The following EYS variants were observed in gnomAD, a reference collection of about 807,000 sequenced individuals.
EYS encodes the protein protein eyes shut homolog.
EYS carries 250 observed loss-of-function variants against 282.1 expected under a neutral mutation model. That is an observed-to-expected ratio of 0.89 (90% CI 0.80 to 0.98). The LOEUF (loss-of-function observed/expected upper bound fraction) is 0.98. Among genes scored for constraint, EYS ranks in the 50% least tolerant of loss-of-function variants. EYS has a pLI of 0.00. For synonymous variants in EYS, 1,355 were observed against 1,282.9 expected, an observed-to-expected ratio of 1.06 and a Z score of -1.20; for missense variants, 4,016 against 3,709.0, an observed-to-expected ratio of 1.08 and a Z score of -2.15.
chr6:64,493,171 G>A (rs1278545605), intron 26 of EYS, among the ~76,000 whole-genome samples: 1 of 151,360 alleles, frequency 6.6e-6, no homozygotes, highest in Admixed American at 6.6e-5. Context: ...TGATTCAGAA[G>A]CCTTTATTAT....
At chr6:65,394,764 A>G (rs373243695) in intron 7 of EYS, among the ~76,000 whole-genome samples, 3 of 152,120 alleles carry the variant, frequency 2.0e-5, no homozygotes, top group South Asian at 4.2e-4. Context: ...CTTCTTTCAT[A>G]TTCTTCTTAG....
At chr6:64,452,453 A>G (rs1391331723) in intron 26 of EYS, among the ~76,000 whole-genome samples, 1 of 152,190 alleles carries the variant, frequency 6.6e-6, no homozygotes, top group Non-Finnish European at 1.5e-5. Flanking sequence ...TTACAGATTC[A>G]ATGTCATCTC....
chr6:64,271,390 T>C (rs777881592), intron 30 of EYS, among the ~76,000 whole-genome samples: 2 of 152,194 alleles, frequency 1.3e-5, no homozygotes, highest in Non-Finnish European at 2.9e-5. Context: ...ATGTTACAAA[T>C]ATGTCCTACC....
intron 1 of EYS, among the ~76,000 whole-genome samples, chr6:65,684,578 T>C (rs1165658930): frequency 2.0e-5 from 3 of 152,026 alleles, no homozygotes; most frequent in South Asian, 2.1e-4. Flanking sequence ...TTTGGTAATA[T>C]ACATGAACCT....
At chr6:64,715,031 G>GTT (rs762649871) in intron 22 of EYS, among the ~76,000 whole-genome samples, 18 of 144,478 alleles carry the variant, frequency 1.2e-4, no homozygotes, top group East Asian at 4.0e-4. Flanking sequence ...GCAGTCCCCA[G>GTT]TTTTTTTTTT....
chr6:64,364,887 C>A (rs2150410570), intron 29 of EYS, among the ~76,000 whole-genome samples: 1 of 151,866 alleles, frequency 6.6e-6, no homozygotes, highest in East Asian at 1.9e-4. Context: ...AGCACTGGTA[C>A]CCCTAAATCT....
At chr6:63,830,486 T>A (rs373466624) in intron 36 of EYS, among the ~76,000 whole-genome samples, 1 of 152,070 alleles carries the variant, frequency 6.6e-6, no homozygotes, top group South Asian at 2.1e-4. Flanking sequence ...GAAGATCAAA[T>A]GAATGAAATG....
At chr6:65,635,227 C>T (rs925241080) in intron 2 of EYS, among the ~76,000 whole-genome samples, 2 of 152,136 alleles carry the variant, frequency 1.3e-5, no homozygotes, top group Non-Finnish European at 2.9e-5. Context: ...ACAACTATGC[C>T]TCTTGTCAAC....
chr6:63,884,506 T>C (rs999241213), intron 35 of EYS, among the ~76,000 whole-genome samples: 3 of 152,214 alleles, frequency 2.0e-5, no homozygotes, highest in African/African-American at 7.2e-5. Flanking sequence ...TACATGGTTT[T>C]GTACATATGT....
At chr6:65,595,895 T>C (rs1488423340) in intron 2 of EYS, among the ~76,000 whole-genome samples, 1 of 152,048 alleles carries the variant, frequency 6.6e-6, no homozygotes, top group East Asian at 1.9e-4. Context: ...ATATTACTTT[T>C]GAGATTAAGT....
chr6:65,139,065 C>G (rs1221975830), intron 12 of EYS, among the ~76,000 whole-genome samples: 2 of 151,994 alleles, frequency 1.3e-5, no homozygotes, highest in Non-Finnish European at 2.9e-5. Flanking sequence ...CCATTTAACC[C>G]AGAAATCCCA....
intron 37 of EYS, among the ~76,000 whole-genome samples, chr6:63,798,963 G>GTATATATATATATATA (rs1231377496): frequency 2.7e-5 from 3 of 110,908 alleles, no homozygotes; most frequent in African/African-American, 1.1e-4. Flanking sequence ...ATGTATATGT[G>GTATATATATATATATA]TATATATATA....
intron 12 of EYS, among the ~76,000 whole-genome samples, chr6:65,253,015 A>T (rs192570534): frequency 2.0e-5 from 3 of 152,108 alleles, no homozygotes; most frequent in African/African-American, 7.2e-5. Flanking sequence ...AGATGAAAGA[A>T]TGCAGTACTG....
chr6:64,150,804 C>T (rs1051540847), intron 31 of EYS, among the ~76,000 whole-genome samples: 3 of 151,986 alleles, frequency 2.0e-5, no homozygotes, highest in Admixed American at 2.0e-4. Flanking sequence ...GAGACCCTCT[C>T]GATGTCAAGA....
At chr6:65,293,576 A>G (rs1432021191) in intron 12 of EYS, among the ~76,000 whole-genome samples, 1 of 151,860 alleles carries the variant, frequency 6.6e-6, no homozygotes, top group African/African-American at 2.4e-5. Context: ...TCAGAAGTGA[A>G]TTTTACATCT....
At chr6:64,931,462 TAA>T (rs1768720207) in intron 15 of EYS, among the ~76,000 whole-genome samples, 1 of 152,192 alleles carries the variant, frequency 6.6e-6, no homozygotes, top group South Asian at 2.1e-4. Context: ...TTTAATCAAA[TAA>T]AGTTTTTCAA....
At chr6:65,052,764 A>C (rs955057047) in intron 13 of EYS, among the ~76,000 whole-genome samples, 1 of 151,710 alleles carries the variant, frequency 6.6e-6, no homozygotes, top group African/African-American at 2.4e-5. Context: ...CTTTCCTTCA[A>C]AAAGAAATAC....
At chr6:65,356,125 T>C (rs929728450) in intron 8 of EYS, among the ~76,000 whole-genome samples, 2 of 152,076 alleles carry the variant, frequency 1.3e-5, no homozygotes, top group South Asian at 4.1e-4. Context: ...TATACACACA[T>C]ACACATACAT....
At chr6:65,417,300 T>C (rs947964816) in intron 5 of EYS, among the ~76,000 whole-genome samples, 8 of 152,006 alleles carry the variant, frequency 5.3e-5, no homozygotes, top group Admixed American at 2.6e-4. Context: ...ACATTGAGCC[T>C]AATTTACCTT....
Sources: gnomAD v4.1 joint callset for allele counts (sites outside exome capture counted in the v4.1 genomes callset) on GRCh38, gnomAD v4.1.1 for gene constraint, MANE v1.5 for transcripts, NCBI Gene and HGNC (gene_info 2026-07-23, HGNC 2026-07-21) for gene names.